The following PCDH15 variants were observed in gnomAD, a reference collection of about 807,000 sequenced individuals.
PCDH15 encodes the protein protocadherin-15.
In PCDH15, 129 loss-of-function variants were observed where a neutral mutation model predicts 178.5. That is an observed-to-expected ratio of 0.72 (90% CI 0.63 to 0.84). PCDH15 has a LOEUF of 0.84. Ranked by LOEUF, PCDH15 falls within the 40% of genes least tolerant of loss-of-function variation. The pLI is 0.00. For missense variants in PCDH15, 2,230 were observed against 2,099.9 expected (o/e 1.06, Z -1.21); for synonymous variants, 800 against 732.0 (o/e 1.09, Z -1.50).
chr10:55,138,717 G>A (rs1443896955), intron 2 of PCDH15, among the ~76,000 whole-genome samples: 1 of 152,008 alleles, frequency 6.6e-6, no homozygotes, highest in South Asian at 2.1e-4. Flanking sequence ...TTGTAAAATC[G>A]GTACCAACAA....
At chr10:55,470,679 C>T (rs533476322) in intron 2 of PCDH15, among the ~76,000 whole-genome samples, 6 of 152,188 alleles carry the variant, frequency 3.9e-5, no homozygotes, top group Admixed American at 1.3e-4. Context: ...CCAACGTGCA[C>T]GGTTTACATT....
At chr10:54,500,923 T>A (rs754650543) in intron 3 of PCDH15, among the ~76,000 whole-genome samples, 3 of 151,910 alleles carry the variant, frequency 2.0e-5, no homozygotes. Context: ...AAAGAATGAG[T>A]TCATGTCCTT....
At chr10:54,902,808 C>A (rs546242216) in intron 2 of PCDH15, among the ~76,000 whole-genome samples, 1 of 152,140 alleles carries the variant, frequency 6.6e-6, no homozygotes, top group South Asian at 2.1e-4. Flanking sequence ...TTCTCATTAG[C>A]TATTTATTTC....
intron 3 of PCDH15, among the ~76,000 whole-genome samples, chr10:54,501,119 A>G (rs1005773583): frequency 3.9e-5 from 6 of 152,032 alleles, no homozygotes; most frequent in African/African-American, 1.4e-4. Flanking sequence ...GGATAGCATT[A>G]GGAGAAATAC....
At chr10:54,565,666 A>G (rs1286857343) in intron 2 of PCDH15, among the ~76,000 whole-genome samples, 1 of 152,176 alleles carries the variant, frequency 6.6e-6, no homozygotes, top group Non-Finnish European at 1.5e-5. Flanking sequence ...GGTGGTATTT[A>G]CCTAGCTGTT....
intron 5 of PCDH15, among the ~76,000 whole-genome samples, chr10:54,353,571 A>G (rs558610841): frequency 1.5e-3 from 225 of 151,452 alleles, no homozygotes; most frequent in South Asian, 5.2e-3. Flanking sequence ...ACTTCAATCA[A>G]AATTGCTTAG....
chr10:53,969,234 G>T (rs557404364), intron 21 of PCDH15, among the ~76,000 whole-genome samples: 1 of 152,286 alleles, frequency 6.6e-6, no homozygotes, highest in South Asian at 2.1e-4. Context: ...TAGCCGATTT[G>T]ATCAAGTGGA....
At chr10:55,210,319 G>T (rs1443230941) in intron 1 of PCDH15, among the ~76,000 whole-genome samples, 1 of 151,964 alleles carries the variant, frequency 6.6e-6, no homozygotes, top group Non-Finnish European at 1.5e-5. Context: ...AGTCACTTAT[G>T]AAGTTTTTAA....
chr10:55,451,552 T>A (rs1030544665), intron 2 of PCDH15, among the ~76,000 whole-genome samples: 2 of 152,064 alleles, frequency 1.3e-5, no homozygotes, highest in Non-Finnish European at 2.9e-5. Context: ...CTGTGGCACA[T>A]TAAAATTTAA....
intron 3 of PCDH15, among the ~76,000 whole-genome samples, chr10:54,494,467 T>A (rs2137219215): frequency 6.6e-6 from 1 of 152,232 alleles, no homozygotes; most frequent in Admixed American, 6.5e-5. Flanking sequence ...TTTAACCAAT[T>A]TCGGTTAAGT....
intron 18 of PCDH15, among the ~76,000 whole-genome samples, chr10:54,053,821 A>G (rs1449194938): frequency 6.6e-6 from 1 of 152,186 alleles, no homozygotes; most frequent in Non-Finnish European, 1.5e-5. Flanking sequence ...AATTTACATC[A>G]CAGATAATTA....
At chr10:54,479,622 T>C (rs1038397238) in intron 3 of PCDH15, among the ~76,000 whole-genome samples, 1 of 151,938 alleles carries the variant, frequency 6.6e-6, no homozygotes, top group Admixed American at 6.6e-5. Flanking sequence ...CAAAACTATG[T>C]TTTTTGGTGA....
chr10:55,159,341 ATATC>A (rs1358781966), intron 2 of PCDH15, among the ~76,000 whole-genome samples: 29 of 33,104 alleles, frequency 8.8e-4, no homozygotes, highest in East Asian at 8.2e-3. Context: ...TAAGATTACC[ATATC>A]TATCTATCTA....
At chr10:55,563,062 T>A (rs1174476723) in intron 2 of PCDH15, among the ~76,000 whole-genome samples, 1 of 151,986 alleles carries the variant, frequency 6.6e-6, no homozygotes, top group Admixed American at 6.6e-5. Flanking sequence ...GTATTTCTGC[T>A]GCAGCTTGCC....
intron 21 of PCDH15, among the ~76,000 whole-genome samples, chr10:53,971,150 C>T (rs1344721874): frequency 1.3e-5 from 2 of 152,066 alleles, no homozygotes; most frequent in Non-Finnish European, 2.9e-5. Flanking sequence ...AATCAATAAA[C>T]GTAATGCAGC....
intron 2 of PCDH15, among the ~76,000 whole-genome samples, chr10:55,146,977 A>G (rs2132095720): frequency 6.6e-6 from 1 of 151,868 alleles, no homozygotes; most frequent in East Asian, 1.9e-4. Flanking sequence ...AATCTATTTT[A>G]AAAAGAATCT....
chr10:54,734,147 G>A (rs552769151), intron 1 of PCDH15, among the ~76,000 whole-genome samples: 1 of 151,796 alleles, frequency 6.6e-6, no homozygotes, highest in Admixed American at 6.6e-5. Flanking sequence ...TCAAAGATTA[G>A]AAAAAATATG....
At chr10:54,003,353 A>C (rs371582019) in intron 20 of PCDH15, among the ~76,000 whole-genome samples, 42 of 152,210 alleles carry the variant, frequency 2.8e-4, no homozygotes, top group African/African-American at 9.9e-4. Context: ...TAAAATTGAC[A>C]AACCTTTAGC....
At chr10:54,174,125 C>A (rs1205154106) in intron 13 of PCDH15, among the ~76,000 whole-genome samples, 2 of 151,996 alleles carry the variant, frequency 1.3e-5, no homozygotes, top group African/African-American at 2.4e-5. Context: ...TGAGTGATTT[C>A]AAATGTAATA....
Sources: allele counts gnomAD v4.1 joint callset (sites outside exome capture counted in the v4.1 genomes callset), GRCh38; gene constraint gnomAD v4.1.1; transcripts MANE v1.5; gene names NCBI Gene and HGNC (gene_info 2026-07-23, HGNC 2026-07-21).